The following AGMO variants were observed in gnomAD, a reference collection of about 807,000 sequenced individuals.
The protein encoded by AGMO is glyceryl-ether monooxygenase.
Under a neutral mutation model 60.2 loss-of-function variants are expected in AGMO, and 75 were observed. That is an observed-to-expected ratio of 1.25 (90% confidence interval 1.03 to 1.51). The LOEUF (loss-of-function observed/expected upper bound fraction) is 1.51. Among genes scored for constraint, AGMO ranks in the 40% most tolerant of loss-of-function variants. The pLI, the probability that AGMO is intolerant of heterozygous loss-of-function variation, is 0.00. For missense variants in AGMO, 763 were observed against 525.5 expected (o/e 1.45, Z -4.42); for synonymous variants, 261 against 177.1 (o/e 1.47, Z -3.76).
intron 8 of AGMO, among the ~76,000 whole-genome samples, chr7:15,388,519 T>C (rs1784013984): frequency 6.6e-6 from 1 of 152,214 alleles, no homozygotes; most frequent in African/African-American, 2.4e-5. Context: ...AGTACAGTTT[T>C]GTTTCTATCA....
At position 15,328,738 on chromosome 7, in the gene AGMO, C is replaced by T. The variant is rs140710296; in HGVS notation, c.1263+36776G>A. On this transcript the variant is annotated intron_variant, in intron 12 of 12. Transcript: ENST00000342526. ...TTAAAGGTCAAATTACATTACTCCT[C>T]TGCTCACCAATTTCCAAGAGTTTCC... is the stretch of plus-strand genomic sequence containing the variant. Among the ~76,000 whole-genome samples the T allele has an allele frequency of 3.9e-5, 6 of 152,292 alleles. No homozygotes were observed. The East Asian group carries it at 1.2e-3, about 29-fold the overall frequency.
chr7:15,328,931 C>T (rs928318776), intron 12 of AGMO, among the ~76,000 whole-genome samples: 1 of 152,078 alleles, frequency 6.6e-6, no homozygotes, highest in African/African-American at 2.4e-5. Context: ...TGGAAGCATC[C>T]TTGCCCTCTA....
chr7:15,183,978 A>G, the AGMO span, among the ~76,000 whole-genome samples: 1 of 152,204 alleles, frequency 6.6e-6, no homozygotes, highest in South Asian at 2.1e-4. Context: ...GCAAATTTTA[A>G]TTAGGCAGAA....
In AGMO at chr7:15,395,444, C is replaced by A. The variant is rs1201418140; in HGVS notation, c.610-1265G>T. On this transcript the variant is annotated intron_variant, in intron 5 of 12. Coordinates refer to ENST00000342526, the MANE Select transcript of AGMO (RefSeq NM_001004320.2). ...TAAAAGACATTTTATAGGCAAAAAA[C>A]AAAAATTTATAATAAACAGGGTATT... 2.0e-5 allele frequency among the ~76,000 whole-genome samples: 3 copies of A among 151,326 alleles called. No homozygotes were observed. The East Asian group carries it at 5.8e-4, about 29-fold the overall frequency.
At chr7:15,448,357 G>A (rs1216197493) in intron 3 of AGMO, among the ~76,000 whole-genome samples, 2 of 152,276 alleles carry the variant, frequency 1.3e-5, no homozygotes, top group South Asian at 2.1e-4. Context: ...ACAATGAGAA[G>A]ATGGTCATCT....
intron 3 of AGMO, among the ~76,000 whole-genome samples, chr7:15,537,630 T>C (rs972317232): frequency 1.2e-4 from 19 of 152,158 alleles, no homozygotes; most frequent in African/African-American, 4.6e-4. Context: ...AATAGACTGA[T>C]GGAGATTCCT....
chr7:15,407,320 G>A (rs1784732916), intron 5 of AGMO, among the ~76,000 whole-genome samples: 1 of 148,844 alleles, frequency 6.7e-6, no homozygotes, highest in Non-Finnish European at 1.5e-5. Flanking sequence ...ATAAGCAATG[G>A]GGTGATGAAT....
the AGMO span, among the ~76,000 whole-genome samples, chr7:15,129,726 T>C: frequency 0.33 from 49,898 of 152,006 alleles, 9,847 homozygotes; most frequent in East Asian, 0.68. Flanking sequence ...GGTTTTGCCC[T>C]GCTTTGGAAG....
the AGMO span, among the ~76,000 whole-genome samples, chr7:15,125,841 T>C: frequency 6.6e-6 from 1 of 152,128 alleles, no homozygotes; most frequent in Non-Finnish European, 1.5e-5. Context: ...TTTAGACAAA[T>C]TATTTAGTCT....
chr7:15,440,956 A>G (rs1781539699), intron 3 of AGMO, among the ~76,000 whole-genome samples: 1 of 152,270 alleles, frequency 6.6e-6, no homozygotes, highest in East Asian at 1.9e-4. Context: ...AATGGCCAAG[A>G]CCCAACAATT....
chr7:15,478,577 C>G (rs1329941510), intron 3 of AGMO, among the ~76,000 whole-genome samples: 1 of 152,112 alleles, frequency 6.6e-6, no homozygotes, highest in African/African-American at 2.4e-5. Flanking sequence ...GACATCAGAT[C>G]TTGTCATTAG....
chr7:15,379,385 A>G (rs1258960009), intron 10 of AGMO, among the ~76,000 whole-genome samples: 2 of 152,096 alleles, frequency 1.3e-5, no homozygotes, highest in African/African-American at 4.8e-5. Flanking sequence ...TTGATAAAGA[A>G]GAAACAGAAG....
At chr7:15,365,758 A>G in intron 11 of AGMO, 139 bp from the exon 12 acceptor site, 1 of 614,920 alleles carries the variant, frequency 1.6e-6, no homozygotes, top group Non-Finnish European at 2.7e-6. Flanking sequence ...CCCTGAAGCA[A>G]TTTGAAAACA....
the AGMO span, among the ~76,000 whole-genome samples, chr7:15,175,918 T>A: frequency 2.0e-3 from 303 of 152,058 alleles, 1 homozygote; most frequent in African/African-American, 6.9e-3. Flanking sequence ...CCATTGAGTT[T>A]TACTAAACTT....
intron 6 of AGMO, among the ~76,000 whole-genome samples, chr7:15,391,535 CAT>C (rs914305398): frequency 5.9e-5 from 9 of 152,244 alleles, no homozygotes; most frequent in South Asian, 2.1e-4. Flanking sequence ...ATGATATCCA[CAT>C]GACTGTAAAT....
chr7:15,385,867 G>A lies in AGMO; in HGVS notation c.958-305C>T, dbSNP rs1017986569. ...TGATATGTCCACGATCACATCTGGCGGCAAAAGCAAAGTAAAAGAAAAAAC... is the reference window on the plus strand; with the variant it reads ...TGATATGTCCACGATCACATCTGGCAGCAAAAGCAAAGTAAAAGAAAAAAC... On this transcript the variant is annotated intron_variant, in intron 9 of 12. Coordinates refer to ENST00000342526, the MANE Select transcript of AGMO (RefSeq NM_001004320.2). Among the ~76,000 whole-genome samples, 33 of 152,048 alleles carry A rather than the reference G, an allele frequency of 2.2e-4. 2 individuals carry two copies. The highest frequency in any genetic ancestry group is 1.9e-4 in the East Asian group (1 of 5,184).
chr7:15,453,309 TATA>T (rs1256120150), intron 3 of AGMO, among the ~76,000 whole-genome samples: 2 of 152,226 alleles, frequency 1.3e-5, no homozygotes, highest in East Asian at 3.8e-4. Flanking sequence ...TACGTGGTCT[TATA>T]ATATGTCTTT....
At chr7:15,418,336 TCAAAAAATTGTTTTATTTAATTGAGAC>T (rs1035243485) in intron 5 of AGMO, among the ~76,000 whole-genome samples, 195 bp downstream of exon 5, 4 of 152,016 alleles carry the variant, frequency 2.6e-5, no homozygotes, top group Non-Finnish European at 5.9e-5. Context: ...ACTTAATAGT[TCAAAAAATTGTTTTATTTAATTGAGAC>T]CAACTGGCCT....
intron 3 of AGMO, among the ~76,000 whole-genome samples, chr7:15,435,821 C>G (rs1781383263): frequency 6.6e-6 from 1 of 151,850 alleles, no homozygotes; most frequent in Admixed American, 6.6e-5. Context: ...TCTAAATATC[C>G]AGAATGTAAC....
Sources: allele counts gnomAD v4.1 joint callset (sites outside exome capture counted in the v4.1 genomes callset), GRCh38; gene constraint gnomAD v4.1.1; transcripts MANE v1.5; gene names NCBI Gene and HGNC (gene_info 2026-07-23, HGNC 2026-07-21).